The following THEMIS variants were observed in gnomAD, a reference collection of about 807,000 sequenced individuals.
The protein encoded by THEMIS is protein THEMIS.
In THEMIS, 37 loss-of-function variants were observed where a neutral mutation model predicts 52.6. That is an observed-to-expected ratio of 0.70 (90% CI 0.54 to 0.93). The LOEUF (loss-of-function observed/expected upper bound fraction) is 0.93, where lower values mean the gene tolerates loss of function less well. Ranked by LOEUF, THEMIS falls within the 40% of genes least tolerant of loss-of-function variation. The pLI, the probability that THEMIS is intolerant of heterozygous loss-of-function variation, is 0.00. For synonymous variants in THEMIS, 292 were observed against 272.7 expected (o/e 1.07, Z -0.70); for missense variants, 808 against 763.1 (o/e 1.06, Z -0.69).
In THEMIS at chr6:127,813,797, G is replaced by C; in HGVS notation, c.844C>G (p.Pro282Ala). Residue 282 changes from proline (P) to alanine (A), a missense_variant, in exon 4 of 6, where the codon CCC becomes GCC. By Grantham distance (27) the Pro-to-Ala change is conservative. Coordinates refer to ENST00000368248, the MANE Select transcript of THEMIS (RefSeq NM_001010923.3). ...GCTTCTATGACTTCAGTCACTATGG[G>C]GAACTCTTTACTAGTCATTTCAAAA... ...DLFEMTSKEF[P>A]IVTEVIEAPE... 6.2e-7 allele frequency: 1 copy of C among 1,613,924 alleles called. No individual in the cohort carries two copies. The highest frequency in any genetic ancestry group is 8.5e-7 in the Non-Finnish European group (1 of 1,179,952).
At chr6:127,741,598 A>G (rs1775204226) in intron 4 of THEMIS, among the ~76,000 whole-genome samples, 1 of 152,242 alleles carries the variant, frequency 6.6e-6, no homozygotes, top group African/African-American at 2.4e-5. Flanking sequence ...CTAGGTATTT[A>G]GAAACTTTGA....
At chr6:127,831,812 G>A (rs1384760136) in intron 2 of THEMIS, among the ~76,000 whole-genome samples, 1 of 152,014 alleles carries the variant, frequency 6.6e-6, no homozygotes, top group Admixed American at 6.6e-5. Flanking sequence ...TAAAATAAGG[G>A]AAAGACACAT....
At chr6:127,778,214 C>T (rs1583265928) in intron 4 of THEMIS, among the ~76,000 whole-genome samples, 1 of 152,070 alleles carries the variant, frequency 6.6e-6, no homozygotes, top group Admixed American at 6.6e-5. Context: ...TACTATCTAA[C>T]AAACAGAAGC....
At position 127,766,386 on chromosome 6, in the gene THEMIS, A is replaced by G. The variant is rs989958598; in HGVS notation, c.1758+46497T>C. On this transcript the variant is annotated intron_variant, in intron 4 of 5. Transcript: ENST00000368248. ...TAGCATTTGAAAATCTTTGTTTTTT[A>G]AACATGTTTAATTTGATGATACTTT... Among the ~76,000 whole-genome samples, 72 of 152,162 alleles carry G rather than the reference A, an allele frequency of 4.7e-4. 1 individual carries two copies. The highest frequency in any genetic ancestry group is 1.6e-3 in the African/African-American group (66 of 41,446).
intron 1 of THEMIS, among the ~76,000 whole-genome samples, chr6:127,859,621 G>A (rs550079618): frequency 8.3e-4 from 127 of 152,132 alleles, no homozygotes; most frequent in South Asian, 6.2e-4. Flanking sequence ...TCAAGTCAAA[G>A]GTTTTTGCAT....
At chr6:127,714,694 T>C (rs1396183250) in intron 5 of THEMIS, among the ~76,000 whole-genome samples, 1 of 151,988 alleles carries the variant, frequency 6.6e-6, no homozygotes, top group Admixed American at 6.6e-5. Context: ...AGCTTAGTCT[T>C]GGGTCTGTCT....
intron 1 of THEMIS, among the ~76,000 whole-genome samples, chr6:127,868,904 A>C (rs1184924110): frequency 6.6e-6 from 1 of 152,182 alleles, no homozygotes; most frequent in Non-Finnish European, 1.5e-5. Context: ...TATATGCCAA[A>C]CAGAATAACA....
At chr6:127,848,191 T>C (rs1779289205) in intron 2 of THEMIS, among the ~76,000 whole-genome samples, 1 of 151,182 alleles carries the variant, frequency 6.6e-6, no homozygotes, top group Non-Finnish European at 1.5e-5. Flanking sequence ...TTTTTGTCCT[T>C]GTGATAGTTT....
At chr6:127,900,691 G>T (rs139217846) in intron 1 of THEMIS, 151 bp downstream of exon 1, 2 of 659,778 alleles carry the variant, frequency 3.0e-6, no homozygotes, top group African/African-American at 1.8e-5. Context: ...GGCTTTTGAC[G>T]ATTCGTTGGT....
chr6:127,804,544 T>C (rs540188856), intron 4 of THEMIS, among the ~76,000 whole-genome samples: 1 of 152,232 alleles, frequency 6.6e-6, no homozygotes, highest in South Asian at 2.1e-4. Flanking sequence ...TTACAAAAGA[T>C]TGAGATCAGT....
intron 4 of THEMIS, among the ~76,000 whole-genome samples, chr6:127,806,099 G>C (rs1777693599): frequency 6.6e-6 from 1 of 151,800 alleles, no homozygotes; most frequent in East Asian, 1.9e-4. Context: ...CAATTCAAAT[G>C]CTCTCACTTA....
At chr6:127,820,670 C>T (rs769719099) in intron 3 of THEMIS, among the ~76,000 whole-genome samples, 53 of 152,060 alleles carry the variant, frequency 3.5e-4, no homozygotes, top group Non-Finnish European at 6.8e-4. Flanking sequence ...TCTTTCTATA[C>T]TAAGTGCCAT....
chr6:127,851,754 T>G, intron 2 of THEMIS, among the ~76,000 whole-genome samples: 1 of 151,730 alleles, frequency 6.6e-6, no homozygotes, highest in East Asian at 1.9e-4. Flanking sequence ...AATGCAAAAT[T>G]GTACAGCTAC....
Position 127,813,195 on chromosome 6 carries a change from C to T in THEMIS, c.1446G>A (p.Glu482=). 1 of 1,614,036 alleles carries T rather than the reference C, an allele frequency of 6.2e-7. No individual in the cohort carries two copies. The highest frequency in any genetic ancestry group is 8.5e-7 in the Non-Finnish European group (1 of 1,179,968). ...GTAGGTAAGAGTCTGTAATGTCCTC[C>T]TCCAACTGCAGTCCTGGTGTGGCAG... The part of the protein sequence containing the change: ...VLAATPGLQL[E]EDITDSYLLI... Residue 482 remains glutamate, a synonymous_variant, in exon 4 of 6, where the codon GAG becomes GAA. Transcript: ENST00000368248.
At chr6:127,860,526 G>A (rs1278033796) in intron 1 of THEMIS, among the ~76,000 whole-genome samples, 1 of 152,056 alleles carries the variant, frequency 6.6e-6, no homozygotes, top group Admixed American at 6.6e-5. Context: ...CGTGAATTGG[G>A]GGTTTAAGTA....
upstream of THEMIS, among the ~76,000 whole-genome samples, chr6:127,904,383 T>C (rs1470263341): frequency 6.6e-6 from 1 of 152,010 alleles, no homozygotes; most frequent in Non-Finnish European, 1.5e-5. Context: ...TCACAACAAA[T>C]GCCTGTGTTC....
At chr6:127,840,057 T>C (rs1008251377) in intron 2 of THEMIS, among the ~76,000 whole-genome samples, 1 of 152,074 alleles carries the variant, frequency 6.6e-6, no homozygotes, top group Non-Finnish European at 1.5e-5. Context: ...AACAGTTAAG[T>C]CACACCCTCA....
intron 4 of THEMIS, among the ~76,000 whole-genome samples, chr6:127,723,540 G>A (rs868635456): frequency 2.6e-5 from 4 of 151,922 alleles, no homozygotes; most frequent in Admixed American, 6.6e-5. Context: ...TGACTCCAGC[G>A]GGGAGGTAGA....
chr6:127,872,466 G>GGAGGCT (rs1260040180), intron 1 of THEMIS, among the ~76,000 whole-genome samples: 1 of 152,070 alleles, frequency 6.6e-6, no homozygotes, highest in Non-Finnish European at 1.5e-5. Flanking sequence ...CAGTTACTCA[G>GGAGGCT]GAGGCTGAGG....
Sources: gnomAD v4.1 joint callset for allele counts (sites outside exome capture counted in the v4.1 genomes callset) on GRCh38, gnomAD v4.1.1 for gene constraint, MANE v1.5 for transcripts, NCBI Gene and HGNC (gene_info 2026-07-23, HGNC 2026-07-21) for gene names.